Variants in PDE8B observed in about 807,000 individuals in gnomAD.
PDE8B encodes phosphodiesterase 8B.
Under a neutral mutation model 101.3 loss-of-function variants are expected in PDE8B, and 26 were observed. The observed-to-expected ratio is 0.26, with a 90% CI of 0.19 to 0.36. The LOEUF (loss-of-function observed/expected upper bound fraction) is 0.36, where lower values mean the gene tolerates loss of function less well. Ranked by LOEUF, PDE8B falls within the 10% of genes least tolerant of loss-of-function variation. The pLI, the probability that PDE8B is intolerant of heterozygous loss-of-function variation, is 1.00. For synonymous variants in PDE8B, 424 were observed against 429.3 expected, an observed-to-expected ratio of 0.99 and a Z score of 0.15; for missense variants, 810 against 1,163.1, an observed-to-expected ratio of 0.70 and a Z score of 4.42.
intron 1 of PDE8B, among the ~76,000 whole-genome samples, chr5:77,294,847 TTATATAATATATATATGATA>T (rs1047429256): frequency 1.3e-5 from 2 of 148,278 alleles, no homozygotes; most frequent in African/African-American, 2.4e-5. Context: ...TGATGATTCA[TTATATAATATATATATGATA>T]TATATAATAT....
the PDE8B span, among the ~76,000 whole-genome samples, chr5:77,124,844 C>A: frequency 6.6e-6 from 1 of 151,932 alleles, no homozygotes; most frequent in Non-Finnish European, 1.5e-5. Flanking sequence ...GGAGAAACAG[C>A]ACATCAGTGA....
At chr5:77,093,974 A>G in the PDE8B span, among the ~76,000 whole-genome samples, 1,807 of 152,230 alleles carry the variant, frequency 0.012, 40 homozygotes, top group African/African-American at 0.041. Flanking sequence ...CTGCCACAAC[A>G]AAGTATCACA....
intron 17 of PDE8B, among the ~76,000 whole-genome samples, chr5:77,415,178 G>C (rs1395767880): frequency 1.3e-5 from 2 of 152,028 alleles, no homozygotes; most frequent in Non-Finnish European, 2.9e-5. Context: ...GGGCTCAGAG[G>C]TTTGGTTACC....
At chr5:77,301,210 G>T (rs747647500) in intron 1 of PDE8B, among the ~76,000 whole-genome samples, 4 of 152,196 alleles carry the variant, frequency 2.6e-5, no homozygotes, top group African/African-American at 7.2e-5. Context: ...ATGGAGACAA[G>T]CAGGGAAGAC....
chr5:77,402,614 A>G (rs1402865038), intron 11 of PDE8B, among the ~76,000 whole-genome samples: 1 of 152,256 alleles, frequency 6.6e-6, no homozygotes, highest in Non-Finnish European at 1.5e-5. Flanking sequence ...GTCTAAAGAC[A>G]TATATGCAAA....
the PDE8B span, chr5:77,147,545 GC>G: frequency 1.4e-5 from 2 of 147,448 alleles, no homozygotes; most frequent in East Asian, 3.8e-4. Flanking sequence ...CTCTGTAATT[GC>G]AAAAAAAAAA....
the PDE8B span, among the ~76,000 whole-genome samples, chr5:77,190,595 A>G: frequency 6.6e-6 from 1 of 152,204 alleles, no homozygotes; most frequent in East Asian, 1.9e-4. Flanking sequence ...CTGATCTGAC[A>G]CACAGATGAG....
At chr5:77,307,730 C>T (rs1379598705) in intron 1 of PDE8B, among the ~76,000 whole-genome samples, 1 of 152,120 alleles carries the variant, frequency 6.6e-6, no homozygotes, top group Non-Finnish European at 1.5e-5. Context: ...GTTAAAACTA[C>T]GCTGTAGTTC....
chr5:77,312,997 A>G (rs1374185197), intron 2 of PDE8B, among the ~76,000 whole-genome samples: 2 of 152,204 alleles, frequency 1.3e-5, no homozygotes, highest in Non-Finnish European at 2.9e-5. Flanking sequence ...AGAAACATGT[A>G]TGAAGAGGGA....
At chr5:77,358,272 T>G (rs1453474870) in intron 10 of PDE8B, among the ~76,000 whole-genome samples, 1 of 152,252 alleles carries the variant, frequency 6.6e-6, no homozygotes, top group Non-Finnish European at 1.5e-5. Context: ...CTTGGCTCTT[T>G]TACATGCTTT....
chr5:77,389,358 C>T (rs1326080798), intron 10 of PDE8B, among the ~76,000 whole-genome samples: 1 of 152,148 alleles, frequency 6.6e-6, no homozygotes, highest in African/African-American at 2.4e-5. Context: ...CCAGGTGAGG[C>T]AATGCCCCAC....
intron 1 of PDE8B, among the ~76,000 whole-genome samples, chr5:77,249,878 G>GA (rs1180022440): frequency 1.3e-5 from 2 of 152,148 alleles, no homozygotes; most frequent in African/African-American, 4.8e-5. Flanking sequence ...TGATCTCTTG[G>GA]AAAAAACAGA....
At chr5:77,265,899 C>T in intron 1 of PDE8B, among the ~76,000 whole-genome samples, 1 of 152,130 alleles carries the variant, frequency 6.6e-6, no homozygotes. Flanking sequence ...AGAATAGTTC[C>T]TTCATTTCCA....
intron 1 of PDE8B, among the ~76,000 whole-genome samples, chr5:77,257,465 T>C (rs1759425513): frequency 6.6e-6 from 1 of 152,168 alleles, no homozygotes; most frequent in Non-Finnish European, 1.5e-5. Flanking sequence ...CTAAGAATAT[T>C]ACCAGTGATA....
intron 1 of PDE8B, among the ~76,000 whole-genome samples, chr5:77,305,348 G>T (rs1770956875): frequency 6.6e-6 from 1 of 152,212 alleles, no homozygotes; most frequent in Non-Finnish European, 1.5e-5. Context: ...GAGCTCTTGG[G>T]CCCTGAAAGG....
At chr5:77,379,313 A>C (rs886806505) in intron 10 of PDE8B, among the ~76,000 whole-genome samples, 1 of 152,098 alleles carries the variant, frequency 6.6e-6, no homozygotes. Context: ...GATCTGGGGG[A>C]AAAAAACAGC....
At chr5:77,156,834 C>A in the PDE8B span, among the ~76,000 whole-genome samples, 7 of 152,068 alleles carry the variant, frequency 4.6e-5, no homozygotes, top group African/African-American at 1.7e-4. Flanking sequence ...GGTGTAGAAA[C>A]CCCTTCAGGT....
At chr5:77,352,526 G>A (rs11738417) in intron 9 of PDE8B, among the ~76,000 whole-genome samples, 52,456 of 152,050 alleles carry the variant, frequency 0.34, 9,884 homozygotes, top group African/African-American at 0.49. Flanking sequence ...GCTATCAGAG[G>A]CAATTCTTAT....
intron 10 of PDE8B, among the ~76,000 whole-genome samples, chr5:77,379,009 C>A (rs911870824): frequency 2.6e-5 from 4 of 151,092 alleles, no homozygotes; most frequent in Non-Finnish European, 5.9e-5. Context: ...AACATTTAAG[C>A]CTGAATAGTA....
Sources: allele counts gnomAD v4.1 joint callset (sites outside exome capture counted in the v4.1 genomes callset), GRCh38; gene constraint gnomAD v4.1.1; transcripts MANE v1.5; gene names NCBI Gene and HGNC (gene_info 2026-07-23, HGNC 2026-07-21).